TADA2B: variants seen among roughly 807,000 people sequenced by gnomAD.
TADA2B encodes the protein transcriptional adaptor 2B, also known as transcriptional adapter 2-beta.
Under a neutral mutation model 34.5 loss-of-function variants are expected in TADA2B, and 13 were observed. That is an observed-to-expected ratio of 0.38 (90% CI 0.25 to 0.60). The LOEUF (loss-of-function observed/expected upper bound fraction) is 0.60, where lower values mean the gene tolerates loss of function less well. TADA2B is among the 20% of genes least tolerant of loss of function. TADA2B has a pLI of 0.65. For missense variants in TADA2B, 442 were observed against 575.0 expected, an observed-to-expected ratio of 0.77 and a Z score of 2.37; for synonymous variants, 240 against 243.4, an observed-to-expected ratio of 0.99 and a Z score of 0.13.
intron 1 of TADA2B, among the ~76,000 whole-genome samples, chr4:7,049,323 C>A (rs1369663007): frequency 6.6e-6 from 1 of 152,232 alleles, no homozygotes; most frequent in Non-Finnish European, 1.5e-5. Context: ...AAGTGATCCT[C>A]CCGCCTCAGC....
Position 7,055,374 on chromosome 4 carries a change from C to A in TADA2B, c.*320C>A. ...CTTTTGAGTGTTCTTCTCTTTGGTA[C>A]AAAAGCTATTGTGGGTGACAGGAGC... On this transcript the variant is annotated 3_prime_UTR_variant, in exon 2 of 2. Transcript: ENST00000310074. 4.0e-6 allele frequency: 1 copy of A among 249,582 alleles called. No homozygotes were observed. Among genetic ancestry groups the A allele is most frequent in the Non-Finnish European group, 7.7e-6 (1 of 130,682 alleles). The allele number at this position is 249,582 out of a possible 1,614,324, so 15.5% of individuals were successfully genotyped here.
rs1000385053 is a variant in TADA2B, at chr4:7,056,686, G to A, written c.*1632G>A. 4 of 152,164 alleles carry A rather than the reference G, an allele frequency of 2.6e-5. No homozygotes were observed. Among genetic ancestry groups the A allele is most frequent in the Admixed American group, 6.5e-5 (1 of 15,276 alleles). The allele number at this position is 152,164 out of a possible 1,614,324, so 9.4% of individuals were successfully genotyped here. A position where few individuals can be genotyped will look rare whatever the true frequency, so the allele number is the denominator to read the frequency against. On this transcript the variant is annotated 3_prime_UTR_variant, in exon 2 of 2. Coordinates refer to ENST00000310074, the MANE Select transcript of TADA2B (RefSeq NM_152293.3). ...CTATACTGCATGCTGACAGAGAAGC[G>A]CTCTTTTAGCTAAGCCCAGAACTTC...
intron 1 of TADA2B, among the ~76,000 whole-genome samples, chr4:7,047,812 A>C (rs1214167549): frequency 6.6e-6 from 1 of 152,180 alleles, no homozygotes; most frequent in Non-Finnish European, 1.5e-5. Context: ...AAGCTGGTGA[A>C]AAGCCCTGGG....
chr4:7,044,483 C>T (rs1577214014), intron 1 of TADA2B, among the ~76,000 whole-genome samples: 1 of 152,130 alleles, frequency 6.6e-6, no homozygotes, highest in African/African-American at 2.4e-5. Context: ...CTCTCTTTAC[C>T]TTTGAGGTTT....
intron 1 of TADA2B, chr4:7,045,724 T>C (rs778640189): frequency 1.3e-5 from 2 of 152,274 alleles, no homozygotes; most frequent in African/African-American, 4.8e-5. Context: ...TCAGGACATT[T>C]TCCCGACAGC....
intron 1 of TADA2B, among the ~76,000 whole-genome samples, chr4:7,052,225 C>T (rs1259527435): frequency 3.3e-5 from 5 of 152,266 alleles, no homozygotes; most frequent in Non-Finnish European, 7.3e-5. Flanking sequence ...CGGCTCTGCC[C>T]CTGCCGCCCG....
Position 7,050,885 on chromosome 4 carries a change from C to T in TADA2B, c.271-3177C>T, listed in dbSNP as rs760560212. ...TGGGATGGTGGGGGGCGCGTGGCGA[C>T]GGGTGTATGCTCCCAGCCACATTAC... On this transcript the variant is annotated intron_variant, in intron 1 of 1. Coordinates refer to ENST00000310074, the MANE Select transcript of TADA2B (RefSeq NM_152293.3). 5.3e-5 allele frequency among the ~76,000 whole-genome samples: 8 copies of T among 152,176 alleles called. No individual in the cohort carries two copies. The South Asian group carries it at 6.2e-4, about 12-fold the overall frequency.
At chr4:7,052,612 G>A (rs1723796516) in intron 1 of TADA2B, among the ~76,000 whole-genome samples, 1 of 152,248 alleles carries the variant, frequency 6.6e-6, no homozygotes, top group Non-Finnish European at 1.5e-5. Flanking sequence ...ACAGACCCGA[G>A]GCTCAGAGAT....
rs1723538033 is a variant in TADA2B, at chr4:7,043,487, G to C, written c.-93G>C. 1.3e-6 allele frequency: 1 copy of C among 787,960 alleles called. No individual in the cohort carries two copies. The highest frequency in any genetic ancestry group is 6.5e-5 in the Admixed American group (1 of 15,394). 48.8% of individuals were successfully genotyped at this position (787,960 alleles called of 1,614,324 possible). A position where few individuals can be genotyped will look rare whatever the true frequency, so the allele number is the denominator to read the frequency against. On this transcript the variant is annotated 5_prime_UTR_variant, in exon 1 of 2. Transcript: ENST00000310074. Reference sequence around the variant, plus strand: ...GGCGGGCGGCGGTTGCTCGTGCGCGGCGGCGGCGGCGGGTCCCGCGGGCGG... The same window carrying C: ...GGCGGGCGGCGGTTGCTCGTGCGCGCCGGCGGCGGCGGGTCCCGCGGGCGG...
At chr4:7,053,816 T>C (rs1258309247) in intron 1 of TADA2B, 6 of 482,942 alleles carry the variant, frequency 1.2e-5, no homozygotes, top group African/African-American at 1.2e-4. Flanking sequence ...TGTGCCAGCT[T>C]GTGCCTCTCT....
At position 7,049,653 on chromosome 4, in the gene TADA2B, G is replaced by A. The variant is rs189887940; in HGVS notation, c.271-4409G>A. On this transcript the variant is annotated intron_variant, in intron 1 of 1. Coordinates refer to ENST00000310074, the MANE Select transcript of TADA2B (RefSeq NM_152293.3). ...CAAAGCCAGTAAGTCCCCAGCCTCT[G>A]GCATCAGAGGGATGCTTGTGCTGAG... 1.5e-3 allele frequency among the ~76,000 whole-genome samples: 227 copies of A among 152,358 alleles called. 1 individual carries two copies. The highest frequency in any genetic ancestry group is 2.6e-3 in the Non-Finnish European group (179 of 68,036).
In TADA2B at chr4:7,054,099, C is replaced by G. The variant is rs1422952331; in HGVS notation, c.308C>G (p.Pro103Arg). The change falls in exon 2 of 2, where the codon CCC becomes CGC. Residue 103 changes from proline (P) to arginine (R), a missense_variant. Around this residue, in one of 4 missense-constraint regions of TADA2B, gnomAD observed 102 missense variants for 177.2 expected, o/e 0.58. Coordinates refer to ENST00000310074, the MANE Select transcript of TADA2B (RefSeq NM_152293.3). ...MAAHVGASRT[P>R]QEVMEHYVSM... ...GCCCACGTTGGTGCTTCCCGGACTC[C>G]CCAAGAGGTGATGGAGCATTACGTG... The G allele has an allele frequency of 6.3e-7, 1 of 1,599,688 alleles. No homozygotes were observed. The highest frequency in any genetic ancestry group is 1.7e-5 in the Admixed American group (1 of 58,202).
intron 1 of TADA2B, among the ~76,000 whole-genome samples, chr4:7,051,261 C>T (rs1723760995): frequency 1.3e-5 from 2 of 152,176 alleles, no homozygotes; most frequent in Non-Finnish European, 2.9e-5. Flanking sequence ...GCATCCAGCG[C>T]TGGGGAAAGC....
chr4:7,048,999 C>A (rs918606047), intron 1 of TADA2B, among the ~76,000 whole-genome samples: 1 of 152,142 alleles, frequency 6.6e-6, no homozygotes, highest in Non-Finnish European at 1.5e-5. Flanking sequence ...CACCTCTTGG[C>A]GAATGTGAAC....
chr4:7,054,855 A>G lies in TADA2B; in HGVS notation c.1064A>G (p.Glu355Gly). The change falls in exon 2 of 2, where the codon GAG (glutamate) becomes GGG (glycine). Residue 355 changes from glutamate (E) to glycine (G), a missense_variant. Coordinates refer to ENST00000310074, the MANE Select transcript of TADA2B (RefSeq NM_152293.3). ...LPGFELLSDREKVLCSSLNLS... is the reference protein window; with the variant it reads ...LPGFELLSDRGKVLCSSLNLS... ...GGCTTCGAGCTCCTGTCAGATCGCGAGAAGGTGCTCTGCAGCTCTTTAAAC... is the reference window on the plus strand; with the variant it reads ...GGCTTCGAGCTCCTGTCAGATCGCGGGAAGGTGCTCTGCAGCTCTTTAAAC... 6.2e-7 allele frequency: 1 copy of G among 1,613,954 alleles called. No homozygotes were observed. Among genetic ancestry groups the G allele is most frequent in the Non-Finnish European group, 8.5e-7 (1 of 1,179,886 alleles).
intron 1 of TADA2B, chr4:7,045,671 T>G (rs1279367634): frequency 1.3e-5 from 2 of 152,258 alleles, no homozygotes; most frequent in Non-Finnish European, 2.9e-5. Flanking sequence ...CTACGTTAGC[T>G]GCTAAGGAGG....
rs964097599 is a variant in TADA2B, at chr4:7,055,276, C to G, written c.*222C>G. 10 of 548,492 alleles carry G rather than the reference C, an allele frequency of 1.8e-5. No individual in the cohort carries two copies. The highest frequency in any genetic ancestry group is 2.6e-5 in the Non-Finnish European group (8 of 312,186). 34.0% of individuals were successfully genotyped at this position (548,492 alleles called of 1,614,324 possible). On this transcript the variant is annotated 3_prime_UTR_variant, in exon 2 of 2. Coordinates refer to ENST00000310074, the MANE Select transcript of TADA2B (RefSeq NM_152293.3). ...TGTGTGTATTTTAAGTGAGTTCCTG[C>G]GAGTCATACACTGCGATGATGCTCC... is the stretch of plus-strand genomic sequence containing the variant.
rs1723548512 is a variant in TADA2B at position 7,043,863 on chromosome 4, C to T, written c.270+14C>T. ...TTCGGAAACTGGGTGAGCGGCGCGACGGGGGCCGGGTCCCGGCTAGGGCAC... is the reference window on the plus strand; with the variant it reads ...TTCGGAAACTGGGTGAGCGGCGCGATGGGGGCCGGGTCCCGGCTAGGGCAC... On this transcript the variant is annotated intron_variant, in intron 1 of 1. Transcript: ENST00000310074. 2 of 1,455,634 alleles carry T rather than the reference C, an allele frequency of 1.4e-6. No individual in the cohort carries two copies. The highest frequency in any genetic ancestry group is 1.8e-6 in the Non-Finnish European group (2 of 1,103,544). The allele number at this position is 1,455,634 out of a possible 1,614,324, so 90.2% of individuals were successfully genotyped here.
intron 1 of TADA2B, chr4:7,052,794 A>C (rs1217170027): frequency 6.6e-6 from 1 of 152,258 alleles, no homozygotes; most frequent in Non-Finnish European, 1.5e-5. Context: ...ACCAGAATCA[A>C]CATTTAGCTC....
Sources: gnomAD v4.1 joint callset for allele counts (sites outside exome capture counted in the v4.1 genomes callset) on GRCh38, gnomAD v4.1.1 for gene constraint, gnomAD v4.1.1 regional missense constraint, MANE v1.5 for transcripts, NCBI Gene and HGNC (gene_info 2026-07-23, HGNC 2026-07-21) for gene names.